Variants in SORCS1 observed in about 807,000 individuals in gnomAD.
The protein encoded by SORCS1 is sortilin related VPS10 domain containing receptor 1, also known as VPS10 domain-containing receptor SorCS1.
A neutral mutation model predicts 146.1 loss-of-function variants in SORCS1; 60 were observed. The ratio of observed to expected loss-of-function variants is 0.41; its 90% confidence interval spans 0.33 to 0.51. The LOEUF (loss-of-function observed/expected upper bound fraction) is 0.51. SORCS1 is among the 20% of genes least tolerant of loss of function. SORCS1 has a pLI of 0.21. For synonymous variants in SORCS1, 637 were observed against 584.0 expected, an observed-to-expected ratio of 1.09 and a Z score of -1.31; for missense variants, 1,352 against 1,487.6, an observed-to-expected ratio of 0.91 and a Z score of 1.50.
chr10:107,037,898 C>T lies in SORCS1; in HGVS notation c.559-81318G>A, dbSNP rs532312114. Among the ~76,000 whole-genome samples the T allele has an allele frequency of 5.3e-5, 8 of 152,330 alleles. No individual in the cohort carries two copies. In the South Asian group the frequency reaches 1.2e-3, roughly 24 times the overall value. ...CTGGAGTGTAGTGGTGCGATCTTGG[C>T]TCATTGCAGCCTCCGCCTCCCAGGT... is the stretch of plus-strand genomic sequence containing the variant. On this transcript the variant is annotated intron_variant, in intron 1 of 25. Transcript: ENST00000263054.
At chr10:106,597,239 T>G in intron 24 of SORCS1, 112 bp downstream of exon 24, 2 of 825,922 alleles carry the variant, frequency 2.4e-6, no homozygotes, top group Non-Finnish European at 4.0e-6. Context: ...GATGACTGAT[T>G]TGATTTCTGA....
At chr10:106,584,514 C>T (rs1429553816) in intron 24 of SORCS1, among the ~76,000 whole-genome samples, 2 of 152,230 alleles carry the variant, frequency 1.3e-5, no homozygotes, top group Non-Finnish European at 2.9e-5. Context: ...TTAGAAACCA[C>T]TAGCTAATAT....
intron 2 of SORCS1, among the ~76,000 whole-genome samples, chr10:106,876,515 T>C (rs1950593393): frequency 6.6e-6 from 1 of 152,202 alleles, no homozygotes; most frequent in Non-Finnish European, 1.5e-5. Flanking sequence ...TGGAGATTAA[T>C]GCCAGTCTGG....
intron 17 of SORCS1, among the ~76,000 whole-genome samples, chr10:106,655,111 C>T (rs1394074003): frequency 2.6e-5 from 4 of 152,172 alleles, no homozygotes; most frequent in African/African-American, 7.2e-5. Flanking sequence ...CCCACCTCAG[C>T]CTCCCAAAGT....
At chr10:107,048,258 C>G (rs1959711250) in intron 1 of SORCS1, among the ~76,000 whole-genome samples, 1 of 152,136 alleles carries the variant, frequency 6.6e-6, no homozygotes, top group Admixed American at 6.5e-5. Flanking sequence ...AAGTGCATTA[C>G]AGAGAGTGAG....
intron 1 of SORCS1, among the ~76,000 whole-genome samples, chr10:107,086,768 G>A (rs376351883): frequency 2.0e-4 from 30 of 152,276 alleles, no homozygotes; most frequent in African/African-American, 5.8e-4. Flanking sequence ...AGTGGCTCAC[G>A]CCTGTAATCC....
At chr10:106,983,230 C>A (rs924010117) in intron 1 of SORCS1, among the ~76,000 whole-genome samples, 3 of 145,612 alleles carry the variant, frequency 2.1e-5, no homozygotes, top group South Asian at 2.1e-4. Context: ...ATACATATTT[C>A]TATATATAAA....
chr10:107,011,259 G>C lies in SORCS1; in HGVS notation c.559-54679C>G, dbSNP rs113113094. Among the ~76,000 whole-genome samples, 1,360 of 152,240 alleles carry C rather than the reference G, an allele frequency of 8.9e-3. 19 individuals are homozygous for C. The highest frequency in any genetic ancestry group is 0.031 in the African/African-American group (1,292 of 41,548). On this transcript the variant is annotated intron_variant, in intron 1 of 25. Transcript: ENST00000263054. ...GCATTATCCACAGCATTGAAAACTTGTCAGTTCGTATTCCTTAAACCACTT... is the reference window on the plus strand; with the variant it reads ...GCATTATCCACAGCATTGAAAACTTCTCAGTTCGTATTCCTTAAACCACTT...
chr10:107,158,843 G>A (rs760185580), intron 1 of SORCS1, among the ~76,000 whole-genome samples: 3 of 152,084 alleles, frequency 2.0e-5, no homozygotes, highest in Non-Finnish European at 4.4e-5. Context: ...ATATATAAAT[G>A]AGATTCATGT....
In SORCS1 at chr10:106,845,063, G is replaced by C. The variant is rs1044769040; in HGVS notation, c.627-15390C>G. ...ACATACGTGTGCATATGTCTTTATA[G>C]CAGCATGATTTATAGTCCTTTGGGT... On this transcript the variant is annotated intron_variant, in intron 2 of 25. Transcript: ENST00000263054. Among the ~76,000 whole-genome samples the C allele has an allele frequency of 5.1e-5, 6 of 117,870 alleles. 1 individual carries two copies. The highest frequency in any genetic ancestry group is 1.8e-4 in the African/African-American group (6 of 34,028). 77.3% of individuals were successfully genotyped at this position (117,870 alleles called of 152,430 possible).
intron 1 of SORCS1, among the ~76,000 whole-genome samples, chr10:107,103,774 A>G (rs990759176): frequency 1.3e-5 from 2 of 152,192 alleles, no homozygotes; most frequent in African/African-American, 4.8e-5. Context: ...GGGAATCCCA[A>G]TGAGGAATCC....
chr10:106,828,665 A>G (rs1948401892), intron 3 of SORCS1, among the ~76,000 whole-genome samples: 1 of 152,242 alleles, frequency 6.6e-6, no homozygotes. Flanking sequence ...CATGTAACCT[A>G]TGTACTACTT....
rs535024794 is a variant in SORCS1, at chr10:107,131,559, T to C, written c.558+32410A>G. ...CCAACATGGCGAACCCCCCCATCTC[T>C]ACCAAAAATACAAAAATTAGCCGGG... is the stretch of plus-strand genomic sequence containing the variant. On this transcript the variant is annotated intron_variant, in intron 1 of 25. Coordinates refer to ENST00000263054, the MANE Select transcript of SORCS1 (RefSeq NM_052918.5). 2.6e-5 allele frequency among the ~76,000 whole-genome samples: 4 copies of C among 152,224 alleles called. No individual in the cohort carries two copies. The East Asian group carries it at 7.8e-4, about 30-fold the overall frequency.
At position 106,791,625 on chromosome 10, in the gene SORCS1, G is replaced by A. The variant is rs530284810; in HGVS notation, c.727-14933C>T. 4.3e-4 allele frequency among the ~76,000 whole-genome samples: 66 copies of A among 152,252 alleles called. No individual in the cohort carries two copies. The South Asian group carries it at 0.013, about 29-fold the overall frequency. ...AAGGCAGGAGAATCGCTTGAACCCA[G>A]GAGGCATAGGTTGCAGTGAGCTGAG... On this transcript the variant is annotated intron_variant, in intron 3 of 25. Transcript: ENST00000263054.
chr10:106,798,439 TC>T (rs1589903710), intron 3 of SORCS1, among the ~76,000 whole-genome samples: 1 of 132,116 alleles, frequency 7.6e-6, no homozygotes. Flanking sequence ...CCTTCCTCCC[TC>T]CCCCCACCCA....
chr10:106,746,894 C>G (rs985620936), intron 5 of SORCS1, among the ~76,000 whole-genome samples: 1 of 152,156 alleles, frequency 6.6e-6, no homozygotes, highest in African/African-American at 2.4e-5. Flanking sequence ...CTCAGGAAGG[C>G]CAACTGATCA....
chr10:107,033,517 A>G (rs1361552091), intron 1 of SORCS1, among the ~76,000 whole-genome samples: 1 of 152,246 alleles, frequency 6.6e-6, no homozygotes. Flanking sequence ...TCTGATCTCT[A>G]TAGCAAACAG....
intron 1 of SORCS1, among the ~76,000 whole-genome samples, chr10:107,032,306 G>A (rs1225566221): frequency 1.3e-5 from 2 of 152,156 alleles, no homozygotes; most frequent in Non-Finnish European, 2.9e-5. Context: ...AAAGAGGCAT[G>A]GCATGGATCA....
At chr10:107,119,779 A>G (rs933365104) in intron 1 of SORCS1, among the ~76,000 whole-genome samples, 1 of 152,178 alleles carries the variant, frequency 6.6e-6, no homozygotes, top group African/African-American at 2.4e-5. Flanking sequence ...ATATTTTCTG[A>G]GGACTAAACA....
Sources: allele counts gnomAD v4.1 joint callset (sites outside exome capture counted in the v4.1 genomes callset), GRCh38; gene constraint gnomAD v4.1.1; transcripts MANE v1.5; gene names NCBI Gene and HGNC (gene_info 2026-07-23, HGNC 2026-07-21).